ZNF236: variants seen among roughly 807,000 people sequenced by gnomAD.
ZNF236 encodes regulated by glucose.
In ZNF236, 50 loss-of-function variants were observed where a neutral mutation model predicts 191.2. The ratio of observed to expected loss-of-function variants is 0.26; its 90% CI spans 0.21 to 0.33. The LOEUF (loss-of-function observed/expected upper bound fraction) is 0.33. Among genes scored for constraint, ZNF236 ranks in the 10% least tolerant of loss-of-function variants. The pLI is 1.00. For synonymous variants in ZNF236, 907 were observed against 928.8 expected, an observed-to-expected ratio of 0.98 and a Z score of 0.43; for missense variants, 1,754 against 2,374.5, an observed-to-expected ratio of 0.74 and a Z score of 5.43.
At chr18:76,949,156 C>T (rs936778130) in intron 27 of ZNF236, among the ~76,000 whole-genome samples, 1 of 152,172 alleles carries the variant, frequency 6.6e-6, no homozygotes, top group African/African-American at 2.4e-5. Flanking sequence ...CCTTATTAGT[C>T]TGGTATGTTT....
chr18:76,939,486 T>A (rs1968077970), intron 26 of ZNF236, among the ~76,000 whole-genome samples: 1 of 152,110 alleles, frequency 6.6e-6, no homozygotes, highest in Non-Finnish European at 1.5e-5. Flanking sequence ...CAGGGCCTAG[T>A]GAAGCCCCCT....
rs934726955 is a variant in ZNF236, at chr18:76,972,617, A to C, written c.*4278A>C. On this transcript the variant is annotated 3_prime_UTR_variant, in exon 31 of 31. Coordinates refer to ENST00000320610, the MANE Select transcript of ZNF236 (RefSeq NM_001306089.2). ...TTCTATTTAATCTTTTATGTGTAAC[A>C]CTTTACAGCATGAAGACGTATTCTA... Among the ~76,000 whole-genome samples, 1 of 152,240 alleles carries C rather than the reference A, an allele frequency of 6.6e-6. No homozygotes were observed. The highest frequency in any genetic ancestry group is 2.1e-4 in the South Asian group (1 of 4,836).
intron 1 of ZNF236, among the ~76,000 whole-genome samples, chr18:76,839,066 A>C (rs1270233531): frequency 1.3e-5 from 2 of 152,252 alleles, no homozygotes; most frequent in East Asian, 3.8e-4. Flanking sequence ...AAGTTTGCTC[A>C]TTCTCACTGT....
rs554828466 is a variant in ZNF236, at chr18:76,960,434, C to T, written c.5243-245C>T. 2.4e-4 allele frequency among the ~76,000 whole-genome samples: 36 copies of T among 152,272 alleles called. No homozygotes were observed. The highest frequency in any genetic ancestry group is 8.4e-4 in the African/African-American group (35 of 41,560). ...TGTGGGCCTGGGGTTCCACAGGCTG[C>T]ATCCACCGTGGCCCTTCCATGGCTC... On this transcript the variant is annotated intron_variant, in intron 29 of 30. Coordinates refer to ENST00000320610, the MANE Select transcript of ZNF236 (RefSeq NM_001306089.2). This position sits in a 1 kb window ranked among gnomAD's most constrained non-coding sequence, Gnocchi z 4.4.
rs749377839 is a variant in ZNF236 at position 76,926,995 on chromosome 18, A to G, written c.4028-42A>G. 9 of 1,566,610 alleles carry G rather than the reference A, an allele frequency of 5.7e-6. No homozygotes were observed. In the South Asian group the frequency reaches 9.3e-5, roughly 16 times the overall value. On this transcript the variant is annotated intron_variant, in intron 22 of 30. Coordinates refer to ENST00000320610, the MANE Select transcript of ZNF236 (RefSeq NM_001306089.2). ...ATGAATTACTTTAGTTTTAAGAAGC[A>G]TTCATAATATTTGATCATTCTCTTT... is the stretch of plus-strand genomic sequence containing the variant.
At chr18:76,921,068 C>T (rs1967519374) in intron 20 of ZNF236, among the ~76,000 whole-genome samples, 1 of 152,206 alleles carries the variant, frequency 6.6e-6, no homozygotes, top group Admixed American at 6.5e-5. Context: ...GGGTGTGTTC[C>T]TTGTACTCTG....
At chr18:76,948,337 AAG>A (rs1968319197) in intron 27 of ZNF236, among the ~76,000 whole-genome samples, 3 of 152,160 alleles carry the variant, frequency 2.0e-5, no homozygotes, top group Admixed American at 2.0e-4. Flanking sequence ...CTTTTTCACA[AAG>A]AGATGAGATA....
intron 27 of ZNF236, among the ~76,000 whole-genome samples, chr18:76,954,436 T>C (rs1044913729): frequency 6.6e-6 from 1 of 152,230 alleles, no homozygotes; most frequent in African/African-American, 2.4e-5. Flanking sequence ...TTGATGTTCT[T>C]CAGCATGCAT....
intron 10 of ZNF236, among the ~76,000 whole-genome samples, chr18:76,896,632 A>G (rs1400683432): frequency 6.6e-6 from 1 of 150,466 alleles, no homozygotes; most frequent in Non-Finnish European, 1.5e-5. Context: ...TGTCATGCAC[A>G]GTGCCAAACA....
intron 22 of ZNF236, among the ~76,000 whole-genome samples, chr18:76,926,208 T>C (rs1967672273): frequency 6.6e-6 from 1 of 152,236 alleles, no homozygotes; most frequent in South Asian, 2.1e-4. Flanking sequence ...AGACAGTGTG[T>C]GTGTATGGTA....
intron 10 of ZNF236, among the ~76,000 whole-genome samples, chr18:76,897,712 AC>A (rs1238663518): frequency 2.0e-5 from 3 of 152,116 alleles, no homozygotes; most frequent in Non-Finnish European, 4.4e-5. Flanking sequence ...CAAACACAGT[AC>A]TAAACACAGT....
intron 3 of ZNF236, among the ~76,000 whole-genome samples, chr18:76,857,673 G>C (rs967506493): frequency 6.6e-6 from 1 of 152,122 alleles, no homozygotes; most frequent in Non-Finnish European, 1.5e-5. Flanking sequence ...ACCCTTGCCC[G>C]CCCACTCACC....
rs555541655 is a variant in ZNF236, at chr18:76,925,020, A to C, written c.3662-169A>C. 6.6e-6 allele frequency among the ~76,000 whole-genome samples: 1 copy of C among 152,242 alleles called. No individual in the cohort carries two copies. The highest frequency in any genetic ancestry group is 1.5e-5 in the Non-Finnish European group (1 of 68,048). Reference sequence around the variant, plus strand: ...TACACTGTTAAATTTACAATACTGCAGCAATTGCCTGTGACGTCCGTAACA... The same window carrying C: ...TACACTGTTAAATTTACAATACTGCCGCAATTGCCTGTGACGTCCGTAACA... On this transcript the variant is annotated intron_variant, in intron 21 of 30. Transcript: ENST00000320610. This position sits in a 1 kb window ranked among gnomAD's most constrained non-coding sequence, Gnocchi z 5.7.
intron 28 of ZNF236, 95 bp from the exon 29 acceptor site, chr18:76,959,592 A>T: frequency 1.4e-6 from 2 of 1,423,304 alleles, no homozygotes; most frequent in Non-Finnish European, 1.9e-6. Flanking sequence ...TGTCCTTGCC[A>T]CTGACTTGAA....
intron 26 of ZNF236, among the ~76,000 whole-genome samples, chr18:76,940,378 A>G (rs926144531): frequency 1.3e-5 from 2 of 152,046 alleles, no homozygotes; most frequent in African/African-American, 4.8e-5. Flanking sequence ...GCGTTTGGCA[A>G]CACGGTGGGC....
chr18:76,896,433 C>G (rs1977414375), intron 10 of ZNF236, among the ~76,000 whole-genome samples: 1 of 150,270 alleles, frequency 6.7e-6, no homozygotes, highest in African/African-American at 2.5e-5. Context: ...GTACCAAACA[C>G]AATACTAAAT....
rs1968638401 is a variant in ZNF236, at chr18:76,960,456, G to C, written c.5243-223G>C. 1.3e-5 allele frequency among the ~76,000 whole-genome samples: 2 copies of C among 152,062 alleles called. No individual in the cohort carries two copies. The highest frequency in any genetic ancestry group is 2.9e-5 in the Non-Finnish European group (2 of 68,012). On this transcript the variant is annotated intron_variant, in intron 29 of 30. Coordinates refer to ENST00000320610, the MANE Select transcript of ZNF236 (RefSeq NM_001306089.2). This position sits in a 1 kb window ranked among gnomAD's most constrained non-coding sequence, Gnocchi z 4.4. The stretch of plus-strand genomic sequence containing the variant: ...CTGCATCCACCGTGGCCCTTCCATG[G>C]CTCTCTGATCCCTCCGCCCCATCTG...
chr18:76,916,994 A>G (rs1193928812), intron 19 of ZNF236, among the ~76,000 whole-genome samples: 1 of 152,144 alleles, frequency 6.6e-6, no homozygotes, highest in African/African-American at 2.4e-5. Flanking sequence ...ATGGCAGTCT[A>G]CCTTTCTCTG....
In ZNF236 at chr18:76,868,182, G is replaced by C. The variant is rs1282071229; in HGVS notation, c.364-503G>C. 3.3e-5 allele frequency among the ~76,000 whole-genome samples: 5 copies of C among 152,088 alleles called. No homozygotes were observed. In the East Asian group the frequency reaches 9.6e-4, roughly 29 times the overall value. On this transcript the variant is annotated intron_variant, in intron 3 of 30. Transcript: ENST00000320610. ...CCCTGGTTCACACGCTCAGTCAGCC[G>C]GGCCACAGCCTGCACTCTGCTCTGC... is the stretch of plus-strand genomic sequence containing the variant.
Sources: gnomAD v4.1 joint callset for allele counts (sites outside exome capture counted in the v4.1 genomes callset) on GRCh38, gnomAD v4.1.1 for gene constraint, Gnocchi (gnomAD v3.1) non-coding constraint, MANE v1.5 for transcripts, NCBI Gene and HGNC (gene_info 2026-07-23, HGNC 2026-07-21) for gene names.